The following ZNF469 variants were observed in gnomAD, a reference collection of about 807,000 sequenced individuals.
ZNF469 encodes zinc finger protein 469.
In ZNF469, 1 loss-of-function variant was observed where a neutral mutation model predicts 1.0. The ratio of observed to expected loss-of-function variants is 1.00; its 90% CI spans 0.35 to 4.73. ZNF469 has a LOEUF of 4.73. Ranked by LOEUF, ZNF469 falls within the 30% of genes most tolerant of loss-of-function variation. ZNF469 has a pLI of 0.16. For synonymous variants in ZNF469, 2,703 were observed against 2,363.4 expected (o/e 1.14, Z -4.17); for missense variants, 6,100 against 5,356.3 (o/e 1.14, Z -4.33).
the ZNF469 span, among the ~76,000 whole-genome samples, chr16:88,135,974 T>C: frequency 6.6e-6 from 1 of 152,022 alleles, no homozygotes; most frequent in Non-Finnish European, 1.5e-5. Context: ...TTAGCCAGGA[T>C]GGTCTTGATC....
chr16:88,292,211 G>A, the ZNF469 span, among the ~76,000 whole-genome samples: 2 of 152,196 alleles, frequency 1.3e-5, no homozygotes, highest in Non-Finnish European at 2.9e-5. Flanking sequence ...GCATAGCACT[G>A]AGCTGCCTGG....
At chr16:88,167,052 T>A in the ZNF469 span, among the ~76,000 whole-genome samples, 2 of 111,328 alleles carry the variant, frequency 1.8e-5, no homozygotes, top group African/African-American at 6.9e-5. Context: ...GCAGGCTTAT[T>A]CTTTTTTTTT....
At chr16:88,300,390 G>A in the ZNF469 span, among the ~76,000 whole-genome samples, 1 of 152,086 alleles carries the variant, frequency 6.6e-6, no homozygotes, top group Non-Finnish European at 1.5e-5. Flanking sequence ...TTCAGTCCAG[G>A]TCCTCGGATA....
the ZNF469 span, among the ~76,000 whole-genome samples, chr16:88,187,757 A>G: frequency 1.3e-5 from 2 of 148,766 alleles, no homozygotes; most frequent in Admixed American, 6.7e-5. Context: ...TCAAAACCAG[A>G]CAGAATGCTG....
At chr16:88,327,161 A>G in the ZNF469 span, among the ~76,000 whole-genome samples, 1 of 152,206 alleles carries the variant, frequency 6.6e-6, no homozygotes, top group African/African-American at 2.4e-5. Context: ...TACTGGCACA[A>G]GGTCCAGGCC....
chr16:88,179,566 T>G, the ZNF469 span, among the ~76,000 whole-genome samples: 1 of 152,178 alleles, frequency 6.6e-6, no homozygotes. Context: ...TGTTCACCTG[T>G]GAACTTGCTA....
intron 1 of ZNF469, among the ~76,000 whole-genome samples, chr16:88,390,761 G>A (rs938454784): frequency 2.6e-5 from 4 of 152,242 alleles, no homozygotes; most frequent in African/African-American, 2.4e-5. Context: ...GCGTCTCTGA[G>A]CTGGGTGGGT....
the ZNF469 span, among the ~76,000 whole-genome samples, chr16:88,105,860 C>T: frequency 1.3e-5 from 2 of 152,218 alleles, no homozygotes; most frequent in African/African-American, 2.4e-5. Flanking sequence ...CCCTGGATTC[C>T]AGAAGTCAGG....
At chr16:88,263,023 G>A in the ZNF469 span, among the ~76,000 whole-genome samples, 10 of 152,202 alleles carry the variant, frequency 6.6e-5, no homozygotes, top group African/African-American at 2.2e-4. Flanking sequence ...CGTGGCCCCC[G>A]GGAGAAGCAG....
chr16:88,296,438 TCA>T, the ZNF469 span, among the ~76,000 whole-genome samples: 24 of 140,868 alleles, frequency 1.7e-4, no homozygotes, highest in Admixed American at 5.1e-4. Context: ...ACATGCACAC[TCA>T]CAGACATGCT....
chr16:88,298,724 C>T, the ZNF469 span, among the ~76,000 whole-genome samples: 1 of 152,326 alleles, frequency 6.6e-6, no homozygotes, highest in African/African-American at 2.4e-5. Context: ...CCACTCCTCA[C>T]TGGCTCTCCA....
At chr16:88,273,889 C>G in the ZNF469 span, among the ~76,000 whole-genome samples, 2 of 149,634 alleles carry the variant, frequency 1.3e-5, no homozygotes, top group South Asian at 2.1e-4. Flanking sequence ...ACTGCAAGCT[C>G]CGCCTCCCGG....
At chr16:88,397,156 C>T (rs907225473) in intron 1 of ZNF469, among the ~76,000 whole-genome samples, 1 of 152,258 alleles carries the variant, frequency 6.6e-6, no homozygotes, top group African/African-American at 2.4e-5. Context: ...GGGCTGAGGC[C>T]TCTGTCTGAC....
At chr16:88,318,402 G>T in the ZNF469 span, among the ~76,000 whole-genome samples, 1 of 152,220 alleles carries the variant, frequency 6.6e-6, no homozygotes, top group African/African-American at 2.4e-5. Flanking sequence ...GGTAAGCGGG[G>T]AAGAGCCAGC....
chr16:88,345,357 C>A, the ZNF469 span, among the ~76,000 whole-genome samples: 2 of 152,196 alleles, frequency 1.3e-5, no homozygotes, highest in African/African-American at 4.8e-5. Flanking sequence ...ATCAAAAAAC[C>A]AGATTTTTAA....
At chr16:88,279,393 A>C in the ZNF469 span, among the ~76,000 whole-genome samples, 3 of 151,068 alleles carry the variant, frequency 2.0e-5, no homozygotes, top group Admixed American at 6.6e-5. Context: ...TGTAGATATC[A>C]GTGCACGGTT....
At chr16:88,415,273 G>T (rs1016866161) in intron 1 of ZNF469, among the ~76,000 whole-genome samples, 1 of 152,090 alleles carries the variant, frequency 6.6e-6, no homozygotes, top group Non-Finnish European at 1.5e-5. Flanking sequence ...TCCTGGAGAG[G>T]GGCCGGGAGC....
At chr16:88,419,648 T>C (rs983325642) in intron 1 of ZNF469, among the ~76,000 whole-genome samples, 3 of 152,024 alleles carry the variant, frequency 2.0e-5, no homozygotes, top group Non-Finnish European at 2.9e-5. Flanking sequence ...GTCCCACCCC[T>C]TGAAGCGCCG....
rs1906422540 is a variant in ZNF469, at chr16:88,434,436, G to T, written c.6966G>T (p.Met2322Ile). 6.5e-7 allele frequency: 1 copy of T among 1,549,738 alleles called. No homozygotes were observed. The highest frequency in any genetic ancestry group is 8.7e-7 in the Non-Finnish European group (1 of 1,146,952). Residue 2322 changes from methionine to isoleucine, a missense_variant, in exon 3 of 3, where the codon ATG becomes ATT. Coordinates refer to ENST00000565624, the MANE Select transcript of ZNF469 (RefSeq NM_001367624.2). ...GAPPHTNPDR[M>I]PRGHSSYSPS... ...CGCCCCACACCAACCCTGACAGGAT[G>T]CCCAGGGGCCACTCCTCGTATTCTC...
Sources: gnomAD v4.1 joint callset for allele counts (sites outside exome capture counted in the v4.1 genomes callset) on GRCh38, gnomAD v4.1.1 for gene constraint, MANE v1.5 for transcripts, NCBI Gene and HGNC (gene_info 2026-07-23, HGNC 2026-07-21) for gene names.